The following SLC5A4 variants were observed in gnomAD, a reference collection of about 807,000 sequenced individuals.
SLC5A4 encodes the protein solute carrier family 5 member 4.
A neutral mutation model predicts 70.3 loss-of-function variants in SLC5A4; 55 were observed. That is an observed-to-expected ratio of 0.78 (90% confidence interval 0.63 to 0.98). The LOEUF (loss-of-function observed/expected upper bound fraction) is 0.98. Among genes scored for constraint, SLC5A4 ranks in the 50% least tolerant of loss-of-function variants. SLC5A4 has a pLI of 0.00. For synonymous variants in SLC5A4, 268 were observed against 305.7 expected, an observed-to-expected ratio of 0.88 and a Z score of 1.29; for missense variants, 735 against 839.2, an observed-to-expected ratio of 0.88 and a Z score of 1.53.
the SLC5A4 span, among the ~76,000 whole-genome samples, chr22:32,308,708 C>T: frequency 9.0e-6 from 1 of 111,686 alleles, no homozygotes; most frequent in Non-Finnish European, 1.9e-5. Flanking sequence ...TGCCTACTTG[C>T]TGCTTTCTAG....
chr22:32,239,981 G>T (rs1344320188), intron 5 of SLC5A4, among the ~76,000 whole-genome samples: 1 of 135,378 alleles, frequency 7.4e-6, no homozygotes, highest in Non-Finnish European at 1.5e-5. Context: ...CAGAGATGGC[G>T]CCACTGCATT....
chr22:32,273,382 A>C, the SLC5A4 span: 2 of 173,838 alleles, frequency 1.2e-5, no homozygotes, highest in Non-Finnish European at 2.5e-5. Context: ...ATGTCCACAG[A>C]GGAATGATTA....
At chr22:32,225,852 T>C in intron 11 of SLC5A4, 29 bp from the exon 12 acceptor site, 1 of 1,500,862 alleles carries the variant, frequency 6.7e-7, no homozygotes, top group South Asian at 1.2e-5. Context: ...AATTTAAACA[T>C]TAAACAAAAG....
At chr22:32,333,199 C>A in the SLC5A4 span, among the ~76,000 whole-genome samples, 4,650 of 147,702 alleles carry the variant, frequency 0.031, 144 homozygotes, top group Non-Finnish European at 0.044. Flanking sequence ...CACTGGCACC[C>A]CCCCCCCAGA....
chr22:32,313,823 G>T, the SLC5A4 span, among the ~76,000 whole-genome samples: 1 of 49,438 alleles, frequency 2.0e-5, no homozygotes, highest in Non-Finnish European at 4.0e-5. Context: ...ATAAATCCAG[G>T]GGAAGATGAA....
At chr22:32,324,997 CCAT>C in the SLC5A4 span, among the ~76,000 whole-genome samples, 37 of 152,250 alleles carry the variant, frequency 2.4e-4, 2 homozygotes, top group Non-Finnish European at 4.4e-5. Context: ...TCCTGTGTGG[CCAT>C]CGACTCCTGC....
the SLC5A4 span, among the ~76,000 whole-genome samples, chr22:32,331,827 C>T: frequency 1.3e-5 from 2 of 152,066 alleles, no homozygotes; most frequent in Non-Finnish European, 2.9e-5. Context: ...AGACCCCATT[C>T]GCCCTGGGGT....
At chr22:32,259,157 T>G (rs568223625), upstream of SLC5A4, among the ~76,000 whole-genome samples, 1 of 152,246 alleles carries the variant, frequency 6.6e-6, no homozygotes, top group Non-Finnish European at 1.5e-5. Context: ...TGTACACCAT[T>G]GTACCTACAA....
chr22:32,270,813 G>A, the SLC5A4 span: 1 of 592,826 alleles, frequency 1.7e-6, no homozygotes, highest in Admixed American at 2.2e-5. Flanking sequence ...TGTTCCTGCT[G>A]AAAAGCACAC....
At chr22:32,239,532 A>T (rs529066016) in intron 5 of SLC5A4, among the ~76,000 whole-genome samples, 3 of 10,044 alleles carry the variant, frequency 3.0e-4, no homozygotes, top group South Asian at 2.5e-3. Flanking sequence ...ATATATATAT[A>T]TATATATATA....
chr22:32,263,874 A>T, the SLC5A4 span, among the ~76,000 whole-genome samples: 1 of 152,194 alleles, frequency 6.6e-6, no homozygotes, highest in African/African-American at 2.4e-5. Context: ...CAGTCATAAA[A>T]AAGGATGAGT....
chr22:32,279,226 A>G, the SLC5A4 span, among the ~76,000 whole-genome samples: 1 of 152,250 alleles, frequency 6.6e-6, no homozygotes, highest in Non-Finnish European at 1.5e-5. Flanking sequence ...CAGTGAGCGG[A>G]GATTGCGCCG....
chr22:32,303,079 G>A, the SLC5A4 span, among the ~76,000 whole-genome samples: 1 of 152,002 alleles, frequency 6.6e-6, no homozygotes, highest in African/African-American at 2.4e-5. Flanking sequence ...GGATATGGGT[G>A]TGAACCCAAA....
At chr22:32,251,149 C>CAAAAAAA (rs1169115054) in intron 3 of SLC5A4, among the ~76,000 whole-genome samples, 11 of 22,770 alleles carry the variant, frequency 4.8e-4, no homozygotes, top group Non-Finnish European at 5.9e-4. Flanking sequence ...AACAAATAAG[C>CAAAAAAA]AAAAAAAAAA....
At chr22:32,266,755 C>A in the SLC5A4 span, among the ~76,000 whole-genome samples, 1 of 152,100 alleles carries the variant, frequency 6.6e-6, no homozygotes. Context: ...ATATCAAGTC[C>A]GTTAACGCAT....
the SLC5A4 span, chr22:32,271,262 G>A: frequency 6.4e-6 from 5 of 781,548 alleles, no homozygotes; most frequent in Admixed American, 2.0e-5. Context: ...CTCATGGACA[G>A]CTCCTTTGGA....
intron 5 of SLC5A4, among the ~76,000 whole-genome samples, chr22:32,242,941 C>T (rs954420091): frequency 6.6e-6 from 1 of 152,042 alleles, no homozygotes; most frequent in Admixed American, 6.6e-5. Context: ...TTTATGAATG[C>T]TAAATCTAGT....
the SLC5A4 span, chr22:32,272,018 A>G: frequency 1.3e-5 from 8 of 631,276 alleles, no homozygotes; most frequent in Non-Finnish European, 2.3e-5. Context: ...AGGCGGCCTT[A>G]TCTATCCAGT....
chr22:32,330,260 GGTGT>G, the SLC5A4 span, among the ~76,000 whole-genome samples: 60 of 91,700 alleles, frequency 6.5e-4, no homozygotes, highest in Non-Finnish European at 7.0e-4. Flanking sequence ...GGGGGGCTCT[GGTGT>G]GTGTGTTGGG....
Sources: gnomAD v4.1 joint callset for allele counts (sites outside exome capture counted in the v4.1 genomes callset) on GRCh38, gnomAD v4.1.1 for gene constraint, MANE v1.5 for transcripts, NCBI Gene and HGNC (gene_info 2026-07-23, HGNC 2026-07-21) for gene names.